The following MAGI2 variants were observed in gnomAD, a reference collection of about 807,000 sequenced individuals.
MAGI2 encodes the protein membrane associated guanylate kinase, WW and PDZ domain containing 2, also known as membrane-associated guanylate kinase, WW and PDZ domain-containing protein 2.
Under a neutral mutation model 133.3 loss-of-function variants are expected in MAGI2, and 35 were observed. That is an observed-to-expected ratio of 0.26 (90% confidence interval 0.20 to 0.35). The LOEUF (loss-of-function observed/expected upper bound fraction) is 0.35. Ranked by LOEUF, MAGI2 falls within the 10% of genes least tolerant of loss-of-function variation. The pLI is 1.00. For missense variants in MAGI2, 1,636 were observed against 1,863.4 expected (o/e 0.88, Z 2.25); for synonymous variants, 729 against 710.6 (o/e 1.03, Z -0.41).
chr7:78,766,664 G>A (rs1825057865), intron 2 of MAGI2, among the ~76,000 whole-genome samples: 1 of 152,132 alleles, frequency 6.6e-6, no homozygotes, highest in South Asian at 2.1e-4. Flanking sequence ...TCCTCCACAT[G>A]GTGAATATCA....
At chr7:78,573,981 C>T (rs1355516967) in intron 3 of MAGI2, among the ~76,000 whole-genome samples, 1 of 152,132 alleles carries the variant, frequency 6.6e-6, no homozygotes, top group Non-Finnish European at 1.5e-5. Flanking sequence ...ATGCCCATGG[C>T]TATGTATACA....
At chr7:79,144,428 C>T (rs111855541) in intron 1 of MAGI2, among the ~76,000 whole-genome samples, 2 of 152,102 alleles carry the variant, frequency 1.3e-5, no homozygotes, top group Admixed American at 1.3e-4. Flanking sequence ...AGCACCTCCC[C>T]CTTCTGTCTT....
chr7:78,935,999 C>T lies in MAGI2; in HGVS notation c.418+71091G>A, dbSNP rs1405118554. On this transcript the variant is annotated intron_variant, in intron 2 of 21. Transcript: ENST00000354212. ...ATGTAATTTTTTAATATACTGATTC[C>T]CCAAATCAATACATTTCATGTCTTC... Among the ~76,000 whole-genome samples the T allele has an allele frequency of 2.0e-5, 3 of 151,926 alleles. No individual in the cohort carries two copies. The South Asian group carries it at 6.2e-4, about 31-fold the overall frequency.
chr7:78,395,585 C>T (rs1023133008), intron 6 of MAGI2, among the ~76,000 whole-genome samples: 8 of 152,258 alleles, frequency 5.3e-5, no homozygotes, highest in Admixed American at 6.5e-5. Flanking sequence ...AATGACCCAA[C>T]GCAGAAACCC....
intron 2 of MAGI2, among the ~76,000 whole-genome samples, chr7:78,661,617 T>A (rs1160695355): frequency 6.6e-6 from 1 of 152,214 alleles, no homozygotes; most frequent in Non-Finnish European, 1.5e-5. Flanking sequence ...TAGGGCTCTG[T>A]CATCCCTCAC....
chr7:78,985,398 A>C (rs1460767732), intron 2 of MAGI2, among the ~76,000 whole-genome samples: 1 of 152,046 alleles, frequency 6.6e-6, no homozygotes, highest in Non-Finnish European at 1.5e-5. Flanking sequence ...CTTTGAGAAA[A>C]CTATTTTTAA....
chr7:78,712,768 A>G (rs1288257789), intron 2 of MAGI2, among the ~76,000 whole-genome samples: 1 of 152,192 alleles, frequency 6.6e-6, no homozygotes, highest in Non-Finnish European at 1.5e-5. Flanking sequence ...TATCTGTTTA[A>G]TTGATGTACA....
At chr7:78,134,946 C>G in intron 17 of MAGI2, 75 bp downstream of exon 17, 1 of 1,352,686 alleles carries the variant, frequency 7.4e-7, no homozygotes, top group South Asian at 1.3e-5. Flanking sequence ...GCGACCCTGG[C>G]GGGCAGGCTG....
At chr7:78,070,133 G>T (rs1174579887) in intron 21 of MAGI2, among the ~76,000 whole-genome samples, 1 of 100,800 alleles carries the variant, frequency 9.9e-6, no homozygotes, top group South Asian at 3.6e-4. Context: ...ACACATATAT[G>T]TGTGTGTATA....
At chr7:78,789,987 C>T (rs1302481732) in intron 2 of MAGI2, among the ~76,000 whole-genome samples, 1 of 152,018 alleles carries the variant, frequency 6.6e-6, no homozygotes, top group Non-Finnish European at 1.5e-5. Context: ...TATACTTAAG[C>T]ATATAAGTTC....
intron 18 of MAGI2, among the ~76,000 whole-genome samples, chr7:78,131,095 G>T (rs1318970308): frequency 6.6e-6 from 1 of 152,210 alleles, no homozygotes; most frequent in Non-Finnish European, 1.5e-5. Flanking sequence ...TCTGAAGCTG[G>T]CTCGGGGACT....
intron 3 of MAGI2, among the ~76,000 whole-genome samples, chr7:78,542,499 G>C (rs1160175212): frequency 6.6e-6 from 1 of 152,036 alleles, no homozygotes; most frequent in Non-Finnish European, 1.5e-5. Flanking sequence ...CGTAAGAGAG[G>C]GTAACAGAGA....
rs973212908 is a variant in MAGI2 at position 78,163,734 on chromosome 7, A to G, written c.2597-3461T>C. ...ATCCTGGCTAACATGGTGAAACCCC[A>G]TCTCTACTAAAAATACAAAAAAATT... On this transcript the variant is annotated intron_variant, in intron 15 of 21. Transcript: ENST00000354212. 1.1e-4 allele frequency among the ~76,000 whole-genome samples: 16 copies of G among 151,874 alleles called. No homozygotes were observed. In the East Asian group the frequency reaches 3.2e-3, roughly 30 times the overall value.
At chr7:78,435,514 T>C (rs1435305608) in intron 6 of MAGI2, among the ~76,000 whole-genome samples, 8 of 152,154 alleles carry the variant, frequency 5.3e-5, no homozygotes, top group East Asian at 1.9e-4. Context: ...TGGTACATTC[T>C]GTGCTACTTT....
chr7:78,483,522 C>T (rs776685597), intron 6 of MAGI2, among the ~76,000 whole-genome samples: 12 of 151,732 alleles, frequency 7.9e-5, no homozygotes, highest in Non-Finnish European at 1.5e-4. Context: ...CAATCAATAA[C>T]AGATTCTGGG....
chr7:79,159,674 ATT>A (rs1286564888), intron 1 of MAGI2, among the ~76,000 whole-genome samples: 1 of 152,056 alleles, frequency 6.6e-6, no homozygotes, highest in African/African-American at 2.4e-5. Context: ...AAGTTTTTAA[ATT>A]TTTAAATTCT....
intron 21 of MAGI2, among the ~76,000 whole-genome samples, chr7:78,077,004 A>G (rs976172244): frequency 6.6e-6 from 1 of 152,090 alleles, no homozygotes; most frequent in African/African-American, 2.4e-5. Flanking sequence ...GAGTTATGCC[A>G]CAGGCTGATC....
At chr7:79,097,781 C>T (rs1414428771) in intron 1 of MAGI2, among the ~76,000 whole-genome samples, 2 of 152,184 alleles carry the variant, frequency 1.3e-5, no homozygotes, top group African/African-American at 4.8e-5. Flanking sequence ...ATTTTATCTA[C>T]ATAAGCAGAA....
intron 21 of MAGI2, among the ~76,000 whole-genome samples, chr7:78,062,638 G>A (rs1423045941): frequency 6.6e-6 from 1 of 151,694 alleles, no homozygotes; most frequent in African/African-American, 2.4e-5. Flanking sequence ...GTCATCTGGC[G>A]CTCCTCTCTC....
Sources: gnomAD v4.1 joint callset for allele counts (sites outside exome capture counted in the v4.1 genomes callset) on GRCh38, gnomAD v4.1.1 for gene constraint, MANE v1.5 for transcripts, NCBI Gene and HGNC (gene_info 2026-07-23, HGNC 2026-07-21) for gene names.